PTPRD: variants seen among roughly 807,000 people sequenced by gnomAD.
PTPRD encodes receptor-type tyrosine-protein phosphatase delta.
PTPRD carries 34 observed loss-of-function variants against 214.5 expected under a neutral mutation model. The observed-to-expected ratio is 0.16, with a 90% CI of 0.12 to 0.21. The LOEUF (loss-of-function observed/expected upper bound fraction) is 0.21, where lower values mean the gene tolerates loss of function less well. PTPRD is among the 10% of genes least tolerant of loss of function. The pLI is 1.00. For synonymous variants in PTPRD, 1,128 were observed against 845.7 expected (o/e 1.33, Z -5.79); for missense variants, 2,545 against 2,398.7 (o/e 1.06, Z -1.27).
rs78324208 is a variant in PTPRD, at chr9:10,321,699, G to A, written c.-545+19264C>T. On this transcript the variant is annotated intron_variant, in intron 3 of 45. Coordinates refer to ENST00000381196, the MANE Select transcript of PTPRD (RefSeq NM_002839.4). ...TAAAAATTTAAAAGAAACAATGGTG[G>A]GATGATATTTATGTAGGTCACATTT... 5.6e-4 allele frequency among the ~76,000 whole-genome samples: 85 copies of A among 151,952 alleles called. 1 individual carries two copies. Among genetic ancestry groups the A allele is most frequent in the South Asian group, 1.9e-3 (9 of 4,810 alleles).
chr9:9,196,393 A>G (rs2099938644), intron 9 of PTPRD, among the ~76,000 whole-genome samples: 1 of 152,166 alleles, frequency 6.6e-6, no homozygotes, highest in South Asian at 2.1e-4. Flanking sequence ...TCAGAAATGA[A>G]CAACACAGTA....
intron 2 of PTPRD, among the ~76,000 whole-genome samples, chr9:10,514,287 A>G (rs1406606160): frequency 6.6e-6 from 1 of 151,236 alleles, no homozygotes; most frequent in East Asian, 1.9e-4. Context: ...ATTTTTTTTT[A>G]TAAACTCTTC....
chr9:10,301,331 G>A (rs1221054103), intron 3 of PTPRD, among the ~76,000 whole-genome samples: 2 of 152,170 alleles, frequency 1.3e-5, no homozygotes, highest in Non-Finnish European at 2.9e-5. Flanking sequence ...CAAAAAGGCT[G>A]AAAACTCCAA....
intron 10 of PTPRD, among the ~76,000 whole-genome samples, chr9:9,152,443 AG>A (rs1167848868): frequency 7.2e-5 from 11 of 152,174 alleles, no homozygotes; most frequent in African/African-American, 2.7e-4. Context: ...TTAAGTCTCA[AG>A]GGGGAAATTA....
intron 10 of PTPRD, among the ~76,000 whole-genome samples, chr9:9,021,107 G>C (rs1057078824): frequency 4.6e-5 from 7 of 151,964 alleles, no homozygotes; most frequent in African/African-American, 1.7e-4. Context: ...TTATTTAAGA[G>C]GTATTTTAAA....
chr9:8,799,214 A>C (rs2096518796), intron 11 of PTPRD, among the ~76,000 whole-genome samples: 1 of 152,224 alleles, frequency 6.6e-6, no homozygotes, highest in Admixed American at 6.5e-5. Context: ...GATAATTATC[A>C]CCAGTAGTCT....
chr9:8,655,333 T>C (rs1439712614), intron 12 of PTPRD, among the ~76,000 whole-genome samples: 1 of 152,218 alleles, frequency 6.6e-6, no homozygotes, highest in Non-Finnish European at 1.5e-5. Flanking sequence ...AATTCATAGT[T>C]TGATCGCAGA....
At chr9:8,994,933 G>A (rs982094227) in intron 11 of PTPRD, among the ~76,000 whole-genome samples, 8 of 151,906 alleles carry the variant, frequency 5.3e-5, no homozygotes, top group African/African-American at 1.9e-4. Flanking sequence ...GCAACATTTG[G>A]GGAAAAATGG....
At chr9:8,934,520 A>AAATATATATATATATATATATATAAAT (rs376937451) in intron 11 of PTPRD, among the ~76,000 whole-genome samples, 1 of 17,076 alleles carries the variant, frequency 5.9e-5, no homozygotes, top group Admixed American at 1.2e-3. Flanking sequence ...TATATATATA[A>AAATATATATATATATATATATATAAAT]ATATATATAT....
chr9:9,011,792 G>C (rs568187540), intron 11 of PTPRD, among the ~76,000 whole-genome samples: 1 of 152,266 alleles, frequency 6.6e-6, no homozygotes, highest in South Asian at 2.1e-4. Context: ...GGATTTCAGG[G>C]AAGGCCCTGG....
chr9:9,139,445 A>G (rs2099856439), intron 10 of PTPRD, among the ~76,000 whole-genome samples: 1 of 152,206 alleles, frequency 6.6e-6, no homozygotes, highest in Non-Finnish European at 1.5e-5. Context: ...AGTTTAATTT[A>G]TAAGTTAGGC....
chr9:9,739,082 A>T (rs2098353784), intron 6 of PTPRD, among the ~76,000 whole-genome samples: 1 of 152,166 alleles, frequency 6.6e-6, no homozygotes, highest in African/African-American at 2.4e-5. Flanking sequence ...CCACACTTAC[A>T]CAATAATAGT....
chr9:8,969,003 G>C (rs2099218595), intron 11 of PTPRD, among the ~76,000 whole-genome samples: 1 of 152,018 alleles, frequency 6.6e-6, no homozygotes, highest in Non-Finnish European at 1.5e-5. Context: ...TATTAAGCAA[G>C]TCCGATTAAT....
intron 5 of PTPRD, among the ~76,000 whole-genome samples, chr9:9,846,576 G>GTACA (rs1482427021): frequency 3.9e-5 from 6 of 152,140 alleles, no homozygotes. Context: ...AAAACATGGT[G>GTACA]TACATAAAGA....
intron 7 of PTPRD, among the ~76,000 whole-genome samples, chr9:9,583,345 G>A (rs751917260): frequency 1.1e-4 from 17 of 151,868 alleles, no homozygotes; most frequent in Non-Finnish European, 1.0e-4. Context: ...GAAAAATGCC[G>A]CTCTAAATTA....
chr9:10,393,113 G>A (rs1478289922), intron 2 of PTPRD, among the ~76,000 whole-genome samples: 1 of 151,806 alleles, frequency 6.6e-6, no homozygotes, highest in Non-Finnish European at 1.5e-5. Flanking sequence ...TTTGTAGTGT[G>A]ACATGCATAG....
At chr9:10,283,551 T>A (rs1360723406) in intron 3 of PTPRD, among the ~76,000 whole-genome samples, 1 of 152,198 alleles carries the variant, frequency 6.6e-6, no homozygotes, top group East Asian at 1.9e-4. Context: ...ATTGGTCTTG[T>A]GCATTTCTTC....
chr9:9,286,025 C>T (rs1949241696), intron 9 of PTPRD, among the ~76,000 whole-genome samples: 1 of 151,740 alleles, frequency 6.6e-6, no homozygotes, highest in Non-Finnish European at 1.5e-5. Context: ...TTGCCATCCC[C>T]CACCCGATAC....
At chr9:10,572,931 T>C (rs892926658) in intron 2 of PTPRD, among the ~76,000 whole-genome samples, 13 of 152,146 alleles carry the variant, frequency 8.5e-5, no homozygotes, top group Non-Finnish European at 1.9e-4. Flanking sequence ...ATGCTTTTGT[T>C]TTATAGCATG....
Sources: allele counts gnomAD v4.1 joint callset (sites outside exome capture counted in the v4.1 genomes callset), GRCh38; gene constraint gnomAD v4.1.1; transcripts MANE v1.5; gene names NCBI Gene and HGNC (gene_info 2026-07-23, HGNC 2026-07-21).